The following CADM1 variants were observed in gnomAD, a reference collection of about 807,000 sequenced individuals.
CADM1 encodes TSLC-1.
A neutral mutation model predicts 53.1 loss-of-function variants in CADM1; 15 were observed. The observed-to-expected ratio is 0.28, with a 90% CI of 0.19 to 0.44. The LOEUF is 0.44. CADM1 is among the 20% of genes least tolerant of loss of function. CADM1 has a pLI of 1.00. For missense variants in CADM1, 434 were observed against 611.3 expected, an observed-to-expected ratio of 0.71 and a Z score of 3.06; for synonymous variants, 281 against 243.0, an observed-to-expected ratio of 1.16 and a Z score of -1.45.
At position 115,170,414 on chromosome 11, in the gene CADM1, G is replaced by A. The variant is rs1192023671; in HGVS notation, c.*6060C>T. ...TGTATTTCCCAGCACTGACCACCAG[G>A]GGCAGTAGACATTTTATGTTTTTTG... On this transcript the variant is annotated 3_prime_UTR_variant, in exon 12 of 12. Transcript: ENST00000331581. The A allele has an allele frequency of 6.6e-6, 1 of 151,938 alleles. No homozygotes were observed. Among genetic ancestry groups the A allele is most frequent in the Non-Finnish European group, 1.5e-5 (1 of 67,964 alleles). 9.4% of individuals were successfully genotyped at this position (151,938 alleles called of 1,614,324 possible).
At chr11:115,313,853 C>G (rs767889727) in intron 1 of CADM1, among the ~76,000 whole-genome samples, 5 of 152,156 alleles carry the variant, frequency 3.3e-5, no homozygotes, top group Non-Finnish European at 5.9e-5. Context: ...GGTGGCAGAG[C>G]TGCCATTAAC....
chr11:115,347,667 G>T (rs1565379158), intron 1 of CADM1, among the ~76,000 whole-genome samples: 1 of 152,140 alleles, frequency 6.6e-6, no homozygotes, highest in Non-Finnish European at 1.5e-5. Flanking sequence ...CTGCTAGGCT[G>T]CTTAGTGCAA....
intron 1 of CADM1, among the ~76,000 whole-genome samples, chr11:115,421,216 A>G (rs1382658767): frequency 6.6e-6 from 1 of 152,208 alleles, no homozygotes; most frequent in Non-Finnish European, 1.5e-5. Flanking sequence ...AACTAAAACC[A>G]AAAGCACAGA....
At chr11:115,412,142 A>T (rs964911460) in intron 1 of CADM1, among the ~76,000 whole-genome samples, 1 of 152,236 alleles carries the variant, frequency 6.6e-6, no homozygotes, top group Non-Finnish European at 1.5e-5. Flanking sequence ...TGAATCCTGA[A>T]TCTGCTTTTA....
At chr11:115,463,618 C>T (rs1299507152) in intron 1 of CADM1, among the ~76,000 whole-genome samples, 1 of 152,174 alleles carries the variant, frequency 6.6e-6, no homozygotes, top group Non-Finnish European at 1.5e-5. Context: ...ATTTCACTGC[C>T]ATTGGGTTCT....
In CADM1 at chr11:115,178,730, GCATGATCCACTGCC is replaced by G. The variant is rs777745290; in HGVS notation, c.1197_1210del (p.Arg399SerfsTer29). Reference sequence around the variant, plus strand: ...CACCGCCACGACGCCACCGATCACGGCATGATCCACTGCCCTGATCGAGCCTTCTTCACCTGCTC... The same window carrying G: ...CACCGCCACGACGCCACCGATCACGGCTGATCGAGCCTTCTTCACCTGCTC... On this transcript the variant is annotated frameshift_variant, in exon 11 of 12. Transcript: ENST00000331581. LOFTEE classifies it high-confidence loss of function. 1 of 1,613,804 alleles carries G rather than the reference GCATGATCCACTGCC, an allele frequency of 6.2e-7. No individual in the cohort carries two copies.
intron 1 of CADM1, among the ~76,000 whole-genome samples, chr11:115,406,087 C>T (rs220828): frequency 0.33 from 49,976 of 151,980 alleles, 9,022 homozygotes; most frequent in Non-Finnish European, 0.42. Context: ...ACTTTGGTTT[C>T]TTCAGTTTTC....
At chr11:115,185,491 A>T (rs995295695) in intron 10 of CADM1, among the ~76,000 whole-genome samples, 9 of 152,194 alleles carry the variant, frequency 5.9e-5, no homozygotes, top group Non-Finnish European at 1.0e-4. Flanking sequence ...GTATCAGGAT[A>T]TTAAATACTA....
rs552309443 is a variant in CADM1 at position 115,369,026 on chromosome 11, TAAAAAAAA to T, written c.125-128614_125-128607del. Among the ~76,000 whole-genome samples, 21 of 44,748 alleles carry T rather than the reference TAAAAAAAA, an allele frequency of 4.7e-4. 1 individual carries two copies. The highest frequency in any genetic ancestry group is 6.7e-4 in the African/African-American group (8 of 11,978). The allele number at this position is 44,748 out of a possible 152,430, so 29.4% of individuals were successfully genotyped here. ...GTGCCTAGCAGAGTGAAAAAAAATC[TAAAAAAAA>T]AAAAAAAAAAAAAAAAAAAATTAGG... On this transcript the variant is annotated intron_variant, in intron 1 of 11. Coordinates refer to ENST00000331581, the MANE Select transcript of CADM1 (RefSeq NM_001301043.2).
chr11:115,407,712 T>C (rs1470695935), intron 1 of CADM1, among the ~76,000 whole-genome samples: 4 of 151,404 alleles, frequency 2.6e-5, no homozygotes, highest in Non-Finnish European at 5.9e-5. Flanking sequence ...CTACAGATAA[T>C]TTAAAAATTA....
intron 8 of CADM1, among the ~76,000 whole-genome samples, chr11:115,206,072 T>C (rs184926887): frequency 8.9e-4 from 135 of 152,314 alleles, no homozygotes; most frequent in African/African-American, 3.1e-3. Flanking sequence ...CATTAGCCTA[T>C]AGTTGGGTAA....
intron 1 of CADM1, among the ~76,000 whole-genome samples, chr11:115,501,372 A>G (rs933242846): frequency 6.6e-6 from 1 of 152,164 alleles, no homozygotes; most frequent in African/African-American, 2.4e-5. Context: ...AAAGCAAGCA[A>G]AAGTCAGCCC....
At chr11:115,321,617 C>T (rs542611497) in intron 1 of CADM1, among the ~76,000 whole-genome samples, 34 of 152,278 alleles carry the variant, frequency 2.2e-4, no homozygotes, top group African/African-American at 7.5e-4. Context: ...TGGCTACAGC[C>T]GTTATGTCAT....
At chr11:115,332,242 G>A (rs930748112) in intron 1 of CADM1, among the ~76,000 whole-genome samples, 2 of 152,190 alleles carry the variant, frequency 1.3e-5, no homozygotes, top group African/African-American at 4.8e-5. Context: ...ATGGAACAAG[G>A]AATGGAAGAG....
intron 1 of CADM1, among the ~76,000 whole-genome samples, chr11:115,275,125 C>T (rs1459954368): frequency 6.6e-6 from 1 of 152,252 alleles, no homozygotes; most frequent in Non-Finnish European, 1.5e-5. Context: ...CATTGCGCCA[C>T]TGCCCAGAAT....
At chr11:115,454,960 A>G (rs544235958) in intron 1 of CADM1, among the ~76,000 whole-genome samples, 1 of 152,300 alleles carries the variant, frequency 6.6e-6, no homozygotes, top group East Asian at 1.9e-4. Context: ...GCCAGCCCAT[A>G]AAATAAGAAC....
At chr11:115,281,010 C>T (rs79217080) in intron 1 of CADM1, among the ~76,000 whole-genome samples, 88 of 152,310 alleles carry the variant, frequency 5.8e-4, no homozygotes, top group Non-Finnish European at 1.0e-3. Flanking sequence ...ATGACAACTG[C>T]GAGGGCTATG....
intron 1 of CADM1, among the ~76,000 whole-genome samples, chr11:115,328,135 G>A (rs1945008284): frequency 6.6e-6 from 1 of 151,636 alleles, no homozygotes; most frequent in Non-Finnish European, 1.5e-5. Context: ...GTTGACCTCC[G>A]ATTTTTTTTT....
At chr11:115,325,145 C>T (rs1336968261) in intron 1 of CADM1, among the ~76,000 whole-genome samples, 1 of 152,188 alleles carries the variant, frequency 6.6e-6, no homozygotes, top group East Asian at 1.9e-4. Flanking sequence ...TAACCAACTG[C>T]TATTTAAAAC....
Sources: allele counts gnomAD v4.1 joint callset (sites outside exome capture counted in the v4.1 genomes callset), GRCh38; gene constraint gnomAD v4.1.1; transcripts MANE v1.5; gene names NCBI Gene and HGNC (gene_info 2026-07-23, HGNC 2026-07-21).